AGBL4: variants seen among roughly 807,000 people sequenced by gnomAD.
The protein encoded by AGBL4 is AGBL carboxypeptidase 4.
A neutral mutation model predicts 66.4 loss-of-function variants in AGBL4; 58 were observed. The observed-to-expected ratio is 0.87, with a 90% CI of 0.71 to 1.09. The LOEUF is 1.09. Ranked by LOEUF, AGBL4 falls within the 50% of genes least tolerant of loss-of-function variation. The probability of loss-of-function intolerance (pLI) is 0.00; values close to 1 mark genes in which losing one functional copy is unlikely to be tolerated. For missense variants in AGBL4, 579 were observed against 631.0 expected (o/e 0.92, Z 0.88); for synonymous variants, 234 against 222.9 (o/e 1.05, Z -0.44).
chr1:49,002,342 CT>C (rs1661455419), intron 5 of AGBL4, among the ~76,000 whole-genome samples: 1 of 152,140 alleles, frequency 6.6e-6, no homozygotes, highest in African/African-American at 2.4e-5. Context: ...TTTCTGTAGC[CT>C]TGCTCACTGG....
chr1:48,674,019 G>T (rs1379884334), intron 6 of AGBL4, among the ~76,000 whole-genome samples: 1 of 152,064 alleles, frequency 6.6e-6, no homozygotes, highest in Non-Finnish European at 1.5e-5. Flanking sequence ...CCATACACTC[G>T]AAGTTAACCC....
intron 4 of AGBL4, among the ~76,000 whole-genome samples, chr1:49,119,183 G>C (rs200307043): frequency 9.2e-5 from 14 of 151,918 alleles, no homozygotes; most frequent in Non-Finnish European, 1.3e-4. Context: ...AGGGTTTTTC[G>C]TGTCTCTATC....
chr1:49,896,409 A>C (rs1275512889), intron 1 of AGBL4, among the ~76,000 whole-genome samples: 1 of 152,046 alleles, frequency 6.6e-6, no homozygotes, highest in African/African-American at 2.4e-5. Flanking sequence ...AAAGCATTTC[A>C]CACTATAAGG....
chr1:49,815,294 T>C (rs1645204332), intron 2 of AGBL4, among the ~76,000 whole-genome samples: 1 of 152,202 alleles, frequency 6.6e-6, no homozygotes, highest in South Asian at 2.1e-4. Context: ...TGTGTCTGGT[T>C]TATTTCACTT....
intron 6 of AGBL4, chr1:48,727,701 G>T: frequency 2.4e-6 from 1 of 422,958 alleles, no homozygotes. Flanking sequence ...CTGCTCCTGA[G>T]TCTCAGCAAA....
At chr1:49,606,673 A>C (rs1225195796) in intron 3 of AGBL4, among the ~76,000 whole-genome samples, 3 of 152,058 alleles carry the variant, frequency 2.0e-5, no homozygotes, top group African/African-American at 7.2e-5. Flanking sequence ...TATTGTTATT[A>C]TTATTCCCAT....
intron 4 of AGBL4, among the ~76,000 whole-genome samples, chr1:49,121,352 C>T (rs999163426): frequency 2.6e-5 from 4 of 152,238 alleles, no homozygotes; most frequent in East Asian, 3.9e-4. Flanking sequence ...GTTTTATCTA[C>T]CTTTGATCTT....
At chr1:49,263,100 A>T (rs973605238) in intron 3 of AGBL4, among the ~76,000 whole-genome samples, 1 of 152,018 alleles carries the variant, frequency 6.6e-6, no homozygotes, top group Admixed American at 6.6e-5. Context: ...ATGGGAATTG[A>T]ACAATGAGAA....
chr1:49,711,941 G>A (rs906556756), intron 2 of AGBL4, among the ~76,000 whole-genome samples: 2 of 151,822 alleles, frequency 1.3e-5, no homozygotes, highest in Admixed American at 1.3e-4. Context: ...TAATAGCTTT[G>A]TTTCTTTGGA....
chr1:48,866,023 T>G (rs1648035767), intron 6 of AGBL4, among the ~76,000 whole-genome samples: 1 of 152,202 alleles, frequency 6.6e-6, no homozygotes, highest in Non-Finnish European at 1.5e-5. Context: ...TAATTCTATC[T>G]TTATTCTTCA....
At chr1:49,086,339 A>G (rs1644906746) in intron 4 of AGBL4, among the ~76,000 whole-genome samples, 1 of 151,488 alleles carries the variant, frequency 6.6e-6, no homozygotes, top group African/African-American at 2.4e-5. Context: ...TTCTGGCTGG[A>G]CTCAGCTGGC....
intron 5 of AGBL4, among the ~76,000 whole-genome samples, chr1:49,037,010 G>A (rs1321962664): frequency 6.6e-6 from 1 of 151,948 alleles, no homozygotes; most frequent in Non-Finnish European, 1.5e-5. Flanking sequence ...AGACTGAAAA[G>A]TGAAGTTTCT....
At chr1:49,333,174 TATA>T (rs200800782) in intron 3 of AGBL4, among the ~76,000 whole-genome samples, 22 of 151,174 alleles carry the variant, frequency 1.5e-4, no homozygotes, top group East Asian at 1.9e-4. Flanking sequence ...GAACTTAAAG[TATA>T]ATAATAATAA....
chr1:49,556,757 G>C (rs1643911341), intron 3 of AGBL4, among the ~76,000 whole-genome samples: 1 of 152,034 alleles, frequency 6.6e-6, no homozygotes, highest in Non-Finnish European at 1.5e-5. Context: ...CTCGGAGCAG[G>C]GGGCGAGGTC....
At chr1:49,631,935 G>A (rs1419834938) in intron 3 of AGBL4, among the ~76,000 whole-genome samples, 1 of 152,198 alleles carries the variant, frequency 6.6e-6, no homozygotes, top group East Asian at 1.9e-4. Flanking sequence ...CAGGATGTAT[G>A]GCCTCAGGAC....
intron 3 of AGBL4, among the ~76,000 whole-genome samples, chr1:49,591,293 A>G (rs150808582): frequency 1.2e-3 from 188 of 152,236 alleles, no homozygotes; most frequent in African/African-American, 4.3e-3. Context: ...AAAAAAGGGA[A>G]GACACAAATT....
chr1:49,878,009 C>T (rs1647075510), intron 1 of AGBL4, among the ~76,000 whole-genome samples: 1 of 151,804 alleles, frequency 6.6e-6, no homozygotes, highest in Admixed American at 6.6e-5. Context: ...GGTGATATCC[C>T]CTTTATCATT....
intron 1 of AGBL4, among the ~76,000 whole-genome samples, chr1:49,969,131 A>G (rs779064078): frequency 6.6e-6 from 1 of 152,210 alleles, no homozygotes; most frequent in Non-Finnish European, 1.5e-5. Context: ...TAAACTATCA[A>G]TAGGAAAGAG....
At chr1:48,887,526 C>T (rs1198817332) in intron 5 of AGBL4, among the ~76,000 whole-genome samples, 1 of 152,066 alleles carries the variant, frequency 6.6e-6, no homozygotes, top group Non-Finnish European at 1.5e-5. Context: ...CACAACAACC[C>T]CATGGGAGAA....
Sources: allele counts gnomAD v4.1 joint callset (sites outside exome capture counted in the v4.1 genomes callset), GRCh38; gene constraint gnomAD v4.1.1; transcripts MANE v1.5; gene names NCBI Gene and HGNC (gene_info 2026-07-23, HGNC 2026-07-21).